The following SHTN1 variants were observed in gnomAD, a reference collection of about 807,000 sequenced individuals.
SHTN1 encodes shootin-1.
SHTN1 carries 42 observed loss-of-function variants against 83.1 expected under a neutral mutation model. That is an observed-to-expected ratio of 0.51 (90% CI 0.39 to 0.65). SHTN1 has a LOEUF of 0.65. Among genes scored for constraint, SHTN1 ranks in the 30% least tolerant of loss-of-function variants. SHTN1 has a pLI of 0.00. For synonymous variants in SHTN1, 224 were observed against 247.7 expected (o/e 0.90, Z 0.90); for missense variants, 622 against 737.8 (o/e 0.84, Z 1.82).
At chr10:117,087,290 T>C (rs924082609) in intron 1 of SHTN1, among the ~76,000 whole-genome samples, 2 of 152,224 alleles carry the variant, frequency 1.3e-5, no homozygotes, top group Non-Finnish European at 1.5e-5. Context: ...GTTATGTGTA[T>C]TTTAAAACAA....
intron 1 of SHTN1, among the ~76,000 whole-genome samples, chr10:117,067,533 T>G (rs1284845122): frequency 6.6e-6 from 1 of 152,106 alleles, no homozygotes; most frequent in Non-Finnish European, 1.5e-5. Context: ...AGGCAGAGGT[T>G]GCAGTGAGCC....
intron 1 of SHTN1, among the ~76,000 whole-genome samples, chr10:116,983,949 C>G (rs772703406): frequency 1.3e-5 from 2 of 152,174 alleles, no homozygotes; most frequent in African/African-American, 2.4e-5. Context: ...AAGGAGTTTT[C>G]TTTCCAAGCT....
intron 6 of SHTN1, 132 bp downstream of exon 6, chr10:116,951,777 G>A (rs1849786709): frequency 2.3e-6 from 1 of 435,826 alleles, no homozygotes; most frequent in East Asian, 3.5e-5. Context: ...CTGAAATTGA[G>A]GAGAGAAGAT....
At chr10:117,063,765 T>C (rs1852933839) in intron 1 of SHTN1, among the ~76,000 whole-genome samples, 1 of 152,154 alleles carries the variant, frequency 6.6e-6, no homozygotes, top group African/African-American at 2.4e-5. Flanking sequence ...ATTGTATTCC[T>C]ACATTTGGTG....
intron 13 of SHTN1, among the ~76,000 whole-genome samples, chr10:116,913,385 G>C (rs747754948): frequency 3.3e-5 from 5 of 151,666 alleles, no homozygotes; most frequent in Non-Finnish European, 5.9e-5. Flanking sequence ...ATTCAGCACT[G>C]TATCTACACA....
rs368351269 is a variant in SHTN1, at chr10:117,025,377, C to G, written c.-123+23068G>C. 1.2e-3 allele frequency among the ~76,000 whole-genome samples: 180 copies of G among 152,278 alleles called. 1 individual carries two copies. Among genetic ancestry groups the G allele is most frequent in the African/African-American group, 4.2e-3 (174 of 41,552 alleles). On this transcript the variant is annotated intron_variant, in intron 2 of 17. Coordinates refer to the SHTN1 transcript ENST00000392901. ...CCCTGGGCAGAGGAGAATTGCCGAT[C>G]CCAGTAGTACGAATTTGAGTTCCTG...
intron 4 of SHTN1, among the ~76,000 whole-genome samples, chr10:116,954,617 T>C (rs1849907440): frequency 6.6e-6 from 1 of 152,164 alleles, no homozygotes; most frequent in African/African-American, 2.4e-5. Flanking sequence ...TTTCTGGACA[T>C]TACCACTTTC....
chr10:117,084,476 T>C (rs1853317251), intron 1 of SHTN1, among the ~76,000 whole-genome samples: 2 of 152,232 alleles, frequency 1.3e-5, no homozygotes, highest in Admixed American at 6.5e-5. Flanking sequence ...CTGCAGAGGT[T>C]ACTGCTGTCT....
chr10:117,113,129 C>T (rs778069589), intron 1 of SHTN1, among the ~76,000 whole-genome samples: 1 of 152,156 alleles, frequency 6.6e-6, no homozygotes, highest in African/African-American at 2.4e-5. Flanking sequence ...CTGGACAAAG[C>T]TAAATCACAG....
chr10:117,119,857 T>A (rs1225542458), intron 1 of SHTN1, among the ~76,000 whole-genome samples: 14 of 133,400 alleles, frequency 1.0e-4, no homozygotes, highest in Admixed American at 6.7e-4. Context: ...AAAAAAAAAA[T>A]AAGATCCTGT....
intron 1 of SHTN1, among the ~76,000 whole-genome samples, chr10:117,084,214 T>C (rs1282304385): frequency 1.3e-5 from 2 of 151,894 alleles, no homozygotes; most frequent in East Asian, 3.9e-4. Flanking sequence ...GATGTACAGA[T>C]GGGTTTTTGG....
chr10:116,968,503 T>G (rs1850481369), intron 3 of SHTN1, 149 bp downstream of exon 3: 2 of 558,190 alleles, frequency 3.6e-6, no homozygotes, highest in East Asian at 5.8e-5. Context: ...CTTAAAGTGA[T>G]GCCTGGGCAT....
chr10:116,955,719 T>C (rs1051613180), intron 4 of SHTN1, among the ~76,000 whole-genome samples: 1 of 152,198 alleles, frequency 6.6e-6, no homozygotes, highest in African/African-American at 2.4e-5. Flanking sequence ...ACGAGAGGTT[T>C]GTCTGACCTC....
At chr10:116,922,966 CA>C (rs113540379) in intron 11 of SHTN1, among the ~76,000 whole-genome samples, 8,612 of 140,148 alleles carry the variant, frequency 0.061, 792 homozygotes, top group African/African-American at 0.2. Context: ...AACTCCATCT[CA>C]AAAAAAAAAA....
intron 15 of SHTN1, among the ~76,000 whole-genome samples, chr10:116,902,529 C>T (rs964695117): frequency 2.6e-5 from 4 of 152,092 alleles, no homozygotes; most frequent in African/African-American, 9.7e-5. Flanking sequence ...TGGCTATTTA[C>T]CTTTTGGACT....
intron 16 of SHTN1, among the ~76,000 whole-genome samples, chr10:116,899,962 T>C (rs905263532): frequency 1.3e-5 from 2 of 152,212 alleles, no homozygotes; most frequent in African/African-American, 4.8e-5. Context: ...TGTAACTACA[T>C]TAAGTTAAAA....
chr10:117,109,829 T>C (rs1383462503), intron 1 of SHTN1, among the ~76,000 whole-genome samples: 1 of 151,936 alleles, frequency 6.6e-6, no homozygotes, highest in Non-Finnish European at 1.5e-5. Flanking sequence ...CTCCCAAAGT[T>C]GTATTACATT....
At position 117,103,530 on chromosome 10, in the gene SHTN1, C is replaced by CTTTT. The variant is rs35229163; in HGVS notation, c.-189+22773_-189+22776dup. Among the ~76,000 whole-genome samples the CTTTT allele has an allele frequency of 2.4e-3, 188 of 77,536 alleles. 2 individuals are homozygous for CTTTT. Among genetic ancestry groups the CTTTT allele is most frequent in the East Asian group, 4.7e-3 (10 of 2,128 alleles). 50.9% of individuals were successfully genotyped at this position (77,536 alleles called of 152,430 possible). A position where few individuals can be genotyped will look rare whatever the true frequency, so the allele number is the denominator to read the frequency against. On this transcript the variant is annotated intron_variant, in intron 1 of 17. Transcript: ENST00000392901. ...TTTCCCCTCCCCTCCCCTCCCCTCTCTTTTTTTTTTTTTTTTTTTTTTTTT... is the reference window on the plus strand; with the variant it reads ...TTTCCCCTCCCCTCCCCTCCCCTCTCTTTTTTTTTTTTTTTTTTTTTTTTTTTTT...
At chr10:117,098,832 C>G (rs144716696) in intron 1 of SHTN1, among the ~76,000 whole-genome samples, 4 of 152,020 alleles carry the variant, frequency 2.6e-5, no homozygotes, top group Admixed American at 2.0e-4. Context: ...TGTTCCATCA[C>G]GCAAGCCAAA....
Sources: allele counts gnomAD v4.1 joint callset (sites outside exome capture counted in the v4.1 genomes callset), GRCh38; gene constraint gnomAD v4.1.1; transcripts MANE v1.5; gene names NCBI Gene and HGNC (gene_info 2026-07-23, HGNC 2026-07-21).